Variants in MAGI1 observed in about 807,000 individuals in gnomAD.
MAGI1 encodes membrane associated guanylate kinase, WW and PDZ domain containing 1, also known as membrane-associated guanylate kinase, WW and PDZ domain-containing protein 1.
MAGI1 carries 58 observed loss-of-function variants against 139.9 expected under a neutral mutation model. The observed-to-expected ratio is 0.41, with a 90% confidence interval of 0.34 to 0.52. The LOEUF is 0.52. Ranked by LOEUF, MAGI1 falls within the 20% of genes least tolerant of loss-of-function variation. MAGI1 has a pLI of 0.12. For missense variants in MAGI1, 1,874 were observed against 1,901.6 expected (o/e 0.99, Z 0.27); for synonymous variants, 812 against 737.9 (o/e 1.10, Z -1.63).
chr3:65,371,432 T>C (rs771981279), intron 18 of MAGI1, among the ~76,000 whole-genome samples: 1 of 152,224 alleles, frequency 6.6e-6, no homozygotes, highest in African/African-American at 2.4e-5. Context: ...TATTGCTAAA[T>C]AATGATCACC....
chr3:65,684,451 T>C (rs2087847660), intron 1 of MAGI1, among the ~76,000 whole-genome samples: 1 of 152,118 alleles, frequency 6.6e-6, no homozygotes, highest in South Asian at 2.1e-4. Flanking sequence ...TAATATAAAA[T>C]TTCTGATATG....
At chr3:65,994,193 G>C (rs930824501) in intron 1 of MAGI1, among the ~76,000 whole-genome samples, 1 of 145,658 alleles carries the variant, frequency 6.9e-6, no homozygotes, top group Admixed American at 7.1e-5. Context: ...AGAATCACTT[G>C]AACCTGGAAA....
intron 4 of MAGI1, among the ~76,000 whole-genome samples, chr3:65,474,133 C>G: frequency 6.6e-6 from 1 of 152,194 alleles, no homozygotes; most frequent in East Asian, 1.9e-4. Flanking sequence ...GGTGTAGTGG[C>G]ACGTGTCCAT....
At chr3:65,995,072 C>T (rs952181205) in intron 1 of MAGI1, among the ~76,000 whole-genome samples, 1 of 152,174 alleles carries the variant, frequency 6.6e-6, no homozygotes, top group African/African-American at 2.4e-5. Flanking sequence ...ATATAAGTTT[C>T]TCGGGGACAA....
chr3:65,519,672 C>T (rs887463466), intron 2 of MAGI1, among the ~76,000 whole-genome samples: 3 of 152,174 alleles, frequency 2.0e-5, no homozygotes, highest in African/African-American at 7.2e-5. Flanking sequence ...GCATGAGCCA[C>T]CTCACCTGGC....
At chr3:65,764,811 G>A (rs752308792) in intron 1 of MAGI1, among the ~76,000 whole-genome samples, 2 of 152,064 alleles carry the variant, frequency 1.3e-5, no homozygotes, top group Non-Finnish European at 1.5e-5. Context: ...AAGCATAGGC[G>A]TAAACACACA....
intron 3 of MAGI1, among the ~76,000 whole-genome samples, chr3:65,490,227 C>A (rs1422031074): frequency 6.6e-6 from 1 of 152,174 alleles, no homozygotes; most frequent in Non-Finnish European, 1.5e-5. Flanking sequence ...TCTGAGGAAG[C>A]ACTATTATTA....
intron 3 of MAGI1, among the ~76,000 whole-genome samples, chr3:65,491,095 T>C (rs1026683985): frequency 6.6e-6 from 1 of 152,136 alleles, no homozygotes; most frequent in Non-Finnish European, 1.5e-5. Context: ...GGAAGTTAGC[T>C]TCAAGTACTA....
intron 3 of MAGI1, among the ~76,000 whole-genome samples, chr3:65,486,479 A>AG (rs577240902): frequency 5.3e-5 from 8 of 152,264 alleles, no homozygotes; most frequent in Admixed American, 5.2e-4. Context: ...AAATGTCAAC[A>AG]GAAAAAAAAA....
At chr3:65,434,207 C>T (rs558779737) in intron 10 of MAGI1, among the ~76,000 whole-genome samples, 12 of 152,176 alleles carry the variant, frequency 7.9e-5, no homozygotes, top group African/African-American at 2.9e-4. Context: ...ACCTCTCTGC[C>T]TGAGTATCAC....
intron 1 of MAGI1, among the ~76,000 whole-genome samples, chr3:65,793,579 T>C (rs1326825340): frequency 1.3e-5 from 2 of 152,214 alleles, no homozygotes; most frequent in Admixed American, 1.3e-4. Context: ...AATTAAAGAA[T>C]TAGAATAACC....
chr3:65,932,428 G>A (rs965355601), intron 1 of MAGI1, among the ~76,000 whole-genome samples: 1 of 152,174 alleles, frequency 6.6e-6, no homozygotes, highest in Non-Finnish European at 1.5e-5. Flanking sequence ...CCCATAGCAG[G>A]TAACTTTGAG....
At chr3:65,479,583 T>C (rs4688569) in intron 3 of MAGI1, among the ~76,000 whole-genome samples, 33,849 of 152,006 alleles carry the variant, frequency 0.22, 3,912 homozygotes, top group Middle Eastern at 0.28. Context: ...ATCTCACTGG[T>C]AAGTTATGAT....
chr3:65,705,368 A>G (rs17073522), intron 1 of MAGI1, among the ~76,000 whole-genome samples: 27,152 of 152,152 alleles, frequency 0.18, 2,855 homozygotes, highest in African/African-American at 0.3. Flanking sequence ...AATACAGAGT[A>G]TCTTAGTAAG....
intron 1 of MAGI1, among the ~76,000 whole-genome samples, chr3:65,889,232 A>G (rs2060646640): frequency 6.6e-6 from 1 of 152,228 alleles, no homozygotes; most frequent in Non-Finnish European, 1.5e-5. Context: ...GAGATGGCTG[A>G]ATTAAATAAG....
chr3:65,364,725 C>A lies in MAGI1; in HGVS notation c.3291G>T (p.Arg1097Ser). The part of the protein sequence containing the change: ...TPSQQGTQET[R>S]NTTKPKQESQ... ...ATTCCTGCTTTGGTTTGGTGGTATT[C>A]CTGCCAAAGTGAAAGAAATAAATAT... Residue 1097 changes from arginine to serine, a missense_variant and splice_region_variant, in exon 20 of 23, where the codon AGG (arginine) becomes AGT (serine). Around this residue, in one of 5 missense-constraint regions of MAGI1, gnomAD observed 653 missense variants for 644.5 expected, o/e 1.01. Coordinates refer to ENST00000402939, the MANE Select transcript of MAGI1 (RefSeq NM_001033057.2). 6.2e-7 allele frequency: 1 copy of A among 1,613,936 alleles called. No individual in the cohort carries two copies. Among genetic ancestry groups the A allele is most frequent in the Non-Finnish European group, 8.5e-7 (1 of 1,179,850 alleles).
chr3:65,998,145 C>T (rs997505331), intron 1 of MAGI1, among the ~76,000 whole-genome samples: 10 of 151,850 alleles, frequency 6.6e-5, no homozygotes, highest in Non-Finnish European at 1.2e-4. Context: ...TGGTGGATTC[C>T]GTTATTTTTT....
chr3:65,876,745 C>CTTTTT (rs1429265761), intron 1 of MAGI1, among the ~76,000 whole-genome samples: 1 of 133,840 alleles, frequency 7.5e-6, no homozygotes, highest in African/African-American at 2.8e-5. Flanking sequence ...ATGTATCATG[C>CTTTTT]TTTTTTTTTT....
intron 1 of MAGI1, among the ~76,000 whole-genome samples, chr3:65,782,468 T>C (rs2039008675): frequency 6.6e-6 from 1 of 152,130 alleles, no homozygotes; most frequent in South Asian, 2.1e-4. Context: ...TAAGTACATG[T>C]GTGTTAAGGC....
Sources: gnomAD v4.1 joint callset for allele counts (sites outside exome capture counted in the v4.1 genomes callset) on GRCh38, gnomAD v4.1.1 for gene constraint, gnomAD v4.1.1 regional missense constraint, MANE v1.5 for transcripts, NCBI Gene and HGNC (gene_info 2026-07-23, HGNC 2026-07-21) for gene names.